CELF2: variants seen among roughly 807,000 people sequenced by gnomAD.
CELF2 encodes the protein CUG triplet repeat RNA-binding protein 2.
CELF2 carries 8 observed loss-of-function variants against 62.6 expected under a neutral mutation model. That is an observed-to-expected ratio of 0.13 (90% CI 0.07 to 0.23). The LOEUF is 0.23. CELF2 is among the 10% of genes least tolerant of loss of function. CELF2 has a pLI of 1.00. For missense variants in CELF2, 333 were observed against 671.0 expected, an observed-to-expected ratio of 0.50 and a Z score of 5.56; for synonymous variants, 258 against 250.0, an observed-to-expected ratio of 1.03 and a Z score of -0.30.
At chr10:10,696,087 T>G in the CELF2 span, among the ~76,000 whole-genome samples, 15 of 151,484 alleles carry the variant, frequency 9.9e-5, no homozygotes, top group Middle Eastern at 3.4e-3. Flanking sequence ...GGTGCTCTGC[T>G]TTTTAGAGTT....
At chr10:10,617,313 A>G in the CELF2 span, among the ~76,000 whole-genome samples, 2 of 152,194 alleles carry the variant, frequency 1.3e-5, no homozygotes, top group African/African-American at 4.8e-5. Flanking sequence ...GGTGAGTCAT[A>G]TAATATTCAC....
the CELF2 span, among the ~76,000 whole-genome samples, chr10:10,772,831 G>A: frequency 6.9e-6 from 1 of 145,308 alleles, no homozygotes; most frequent in Non-Finnish European, 1.5e-5. Flanking sequence ...AATGTGTCAA[G>A]TAAAAAGAAA....
Position 11,137,264 on chromosome 10 carries a change from G to A in CELF2, c.75-28222G>A, listed in dbSNP as rs572794956. 2.6e-5 allele frequency among the ~76,000 whole-genome samples: 4 copies of A among 152,318 alleles called. No homozygotes were observed. The East Asian group carries it at 5.8e-4, about 22-fold the overall frequency. ...AGAAGATCCTCGCTTGGGAGTTCTG[G>A]AGTCAATAGAGTAGAGTTAGAAATG... On this transcript the variant is annotated intron_variant, in intron 1 of 12. Transcript: ENST00000633077.
chr10:10,712,869 A>G, the CELF2 span, among the ~76,000 whole-genome samples: 2 of 152,186 alleles, frequency 1.3e-5, no homozygotes, highest in South Asian at 4.1e-4. Context: ...TCCTTCCTGG[A>G]TGAATCCAAT....
the CELF2 span, among the ~76,000 whole-genome samples, chr10:10,462,727 T>A: frequency 6.8e-6 from 1 of 147,736 alleles, no homozygotes; most frequent in Admixed American, 7.0e-5. Context: ...TAGCGTATAA[T>A]GAAAAGGTGT....
intron 1 of CELF2, among the ~76,000 whole-genome samples, chr10:10,876,989 G>A (rs1046697177): frequency 6.6e-6 from 1 of 152,170 alleles, no homozygotes; most frequent in African/African-American, 2.4e-5. Flanking sequence ...CCACCCAGAA[G>A]GCTTATTTGC....
At chr10:11,095,199 T>C (rs2049465884) in intron 1 of CELF2, among the ~76,000 whole-genome samples, 1 of 152,332 alleles carries the variant, frequency 6.6e-6, no homozygotes, top group African/African-American at 2.4e-5. Context: ...TTCCTATGAT[T>C]GTTAACCAGA....
chr10:10,750,009 C>T, the CELF2 span, among the ~76,000 whole-genome samples: 28 of 152,280 alleles, frequency 1.8e-4, no homozygotes, highest in South Asian at 3.1e-3. Context: ...ATAGGCCGGG[C>T]GAGGCGGCTC....
chr10:10,506,409 T>C, the CELF2 span, among the ~76,000 whole-genome samples: 2 of 152,108 alleles, frequency 1.3e-5, no homozygotes, highest in African/African-American at 2.4e-5. Context: ...AAAAGGCTAA[T>C]ATTTAATGAT....
the CELF2 span, among the ~76,000 whole-genome samples, chr10:10,619,912 C>G: frequency 6.6e-6 from 1 of 151,912 alleles, no homozygotes; most frequent in African/African-American, 2.4e-5. Context: ...GTTGAAGAGA[C>G]GAACGGAAGG....
intron 2 of CELF2, among the ~76,000 whole-genome samples, chr10:10,969,953 T>G (rs1349790037): frequency 1.3e-5 from 2 of 152,196 alleles, no homozygotes; most frequent in Admixed American, 1.3e-4. Context: ...TTTCTCTTTC[T>G]GATAGGGAAG....
At chr10:10,514,960 C>G in the CELF2 span, among the ~76,000 whole-genome samples, 1,603 of 152,282 alleles carry the variant, frequency 0.011, 18 homozygotes, top group South Asian at 0.056. Flanking sequence ...GGAAGCCTTG[C>G]AAAGCACAGC....
At chr10:10,680,652 C>T in the CELF2 span, among the ~76,000 whole-genome samples, 20 of 152,312 alleles carry the variant, frequency 1.3e-4, no homozygotes, top group African/African-American at 4.1e-4. Context: ...TTGGATAGCG[C>T]GTGGCCCAAG....
chr10:10,510,359 C>T, the CELF2 span, among the ~76,000 whole-genome samples: 1 of 152,202 alleles, frequency 6.6e-6, no homozygotes, highest in East Asian at 1.9e-4. Context: ...GAGCATTTTG[C>T]AATACTTCTT....
the CELF2 span, among the ~76,000 whole-genome samples, chr10:10,571,393 C>G: frequency 6.6e-6 from 1 of 152,116 alleles, no homozygotes; most frequent in Non-Finnish European, 1.5e-5. Context: ...GGACTGTTGA[C>G]AGTAATAAAA....
the CELF2 span, among the ~76,000 whole-genome samples, chr10:10,596,532 G>A: frequency 6.6e-6 from 1 of 152,162 alleles, no homozygotes; most frequent in Non-Finnish European, 1.5e-5. Context: ...AAAAACCATA[G>A]GTGGCCTAGG....
chr10:11,180,621 G>T (rs2073029765), intron 2 of CELF2, among the ~76,000 whole-genome samples: 1 of 152,184 alleles, frequency 6.6e-6, no homozygotes, highest in Non-Finnish European at 1.5e-5. Context: ...GAGCCTTTCA[G>T]TGACAGGAAG....
At chr10:10,510,528 T>C in the CELF2 span, among the ~76,000 whole-genome samples, 1 of 152,216 alleles carries the variant, frequency 6.6e-6, no homozygotes, top group Admixed American at 6.5e-5. Flanking sequence ...ATCAATGTAG[T>C]GGTTTTCTCA....
intron 1 of CELF2, among the ~76,000 whole-genome samples, chr10:11,072,139 A>C (rs1014555579): frequency 2.0e-5 from 3 of 152,190 alleles, no homozygotes; most frequent in Admixed American, 6.5e-5. Context: ...GAGGTCGAGC[A>C]ACATTCTTTT....
Sources: allele counts gnomAD v4.1 joint callset (sites outside exome capture counted in the v4.1 genomes callset), GRCh38; gene constraint gnomAD v4.1.1; transcripts MANE v1.5; gene names NCBI Gene and HGNC (gene_info 2026-07-23, HGNC 2026-07-21).